Variants in SNX29 observed in about 807,000 individuals in gnomAD.
SNX29 encodes the protein sorting nexin-29.
In SNX29, 78 loss-of-function variants were observed where a neutral mutation model predicts 102.1. The ratio of observed to expected loss-of-function variants is 0.76; its 90% CI spans 0.64 to 0.92. SNX29 has a LOEUF of 0.92. SNX29 is among the 40% of genes least tolerant of loss of function. The probability of loss-of-function intolerance (pLI) is 0.00; values close to 1 mark genes in which losing one functional copy is unlikely to be tolerated. For synonymous variants in SNX29, 580 were observed against 414.5 expected, an observed-to-expected ratio of 1.40 and a Z score of -4.85; for missense variants, 1,280 against 1,061.7, an observed-to-expected ratio of 1.21 and a Z score of -2.86.
chr16:12,385,008 T>C lies in SNX29; in HGVS notation c.1900-13438T>C, dbSNP rs573207721. 5.3e-5 allele frequency among the ~76,000 whole-genome samples: 8 copies of C among 152,220 alleles called. No individual in the cohort carries two copies. In the South Asian group the frequency reaches 1.7e-3, roughly 32 times the overall value. On this transcript the variant is annotated intron_variant, in intron 16 of 20. Transcript: ENST00000566228. The stretch of plus-strand genomic sequence containing the variant: ...CAACATGGTGAAACCCCATCTCCAC[T>C]AAAAATACAAAAGTAGCTGGGCATG...
chr16:12,365,273 C>T (rs2432632), intron 16 of SNX29, among the ~76,000 whole-genome samples: 18 of 151,320 alleles, frequency 1.2e-4, no homozygotes, highest in Non-Finnish European at 1.3e-4. Flanking sequence ...TCTTCATCTG[C>T]GAAGTGAATC....
chr16:12,264,316 T>C (rs759721748), intron 14 of SNX29, among the ~76,000 whole-genome samples: 33 of 152,248 alleles, frequency 2.2e-4, no homozygotes, highest in Non-Finnish European at 4.6e-4. Flanking sequence ...GCATGGGCTT[T>C]TGAAATTCCA....
At chr16:12,183,511 T>C (rs2076441245) in intron 13 of SNX29, among the ~76,000 whole-genome samples, 1 of 152,184 alleles carries the variant, frequency 6.6e-6, no homozygotes, top group Non-Finnish European at 1.5e-5. Flanking sequence ...TGTGTGTATG[T>C]AAATATACTT....
intron 14 of SNX29, among the ~76,000 whole-genome samples, chr16:12,241,149 T>A (rs200614186): frequency 6.6e-6 from 1 of 152,198 alleles, no homozygotes; most frequent in Non-Finnish European, 1.5e-5. Flanking sequence ...AGAAAAATAA[T>A]TAACCGGGAT....
chr16:12,319,508 C>T (rs1293790950), intron 15 of SNX29, among the ~76,000 whole-genome samples: 1 of 152,126 alleles, frequency 6.6e-6, no homozygotes, highest in Admixed American at 6.5e-5. Context: ...ACTCCTATCC[C>T]ACCTCTTCAG....
rs74374502 is a variant in SNX29, at chr16:12,457,700, G to A, written c.2038-20019G>A. Among the ~76,000 whole-genome samples the A allele has an allele frequency of 1.7e-4, 26 of 152,294 alleles. No homozygotes were observed. The East Asian group carries it at 3.9e-3, about 23-fold the overall frequency. On this transcript the variant is annotated intron_variant, in intron 18 of 20. Coordinates refer to ENST00000566228, the MANE Select transcript of SNX29 (RefSeq NM_032167.5). ...ATGGCACACGTTAGCCTCTGCCGTG[G>A]TGCTTTGCAAGCCTGCAAGATGGAA... is the stretch of plus-strand genomic sequence containing the variant.
intron 20 of SNX29, among the ~76,000 whole-genome samples, chr16:12,564,067 G>A (rs1047988408): frequency 2.6e-5 from 4 of 152,166 alleles, no homozygotes; most frequent in South Asian, 2.1e-4. Flanking sequence ...CAACGATGCT[G>A]TATTTTGGGA....
chr16:12,556,902 G>C (rs541259274), intron 20 of SNX29, among the ~76,000 whole-genome samples: 5 of 151,082 alleles, frequency 3.3e-5, no homozygotes, highest in Admixed American at 3.3e-4. Context: ...TCCTCACCTT[G>C]AGTGTAGTGG....
intron 16 of SNX29, among the ~76,000 whole-genome samples, chr16:12,367,859 TA>T (rs2082542535): frequency 6.6e-6 from 1 of 152,210 alleles, no homozygotes; most frequent in Admixed American, 6.5e-5. Flanking sequence ...GAGGGGCTAC[TA>T]AAAATATATC....
chr16:12,475,323 C>T (rs1192685429), intron 18 of SNX29, among the ~76,000 whole-genome samples: 1 of 152,176 alleles, frequency 6.6e-6, no homozygotes, highest in Non-Finnish European at 1.5e-5. Context: ...ACTACCTTCT[C>T]CACACCAGAT....
chr16:12,055,404 T>A (rs2050479686), intron 8 of SNX29, among the ~76,000 whole-genome samples: 1 of 152,070 alleles, frequency 6.6e-6, no homozygotes, highest in African/African-American at 2.4e-5. Flanking sequence ...CTAACTTTTG[T>A]GATTTTAGTA....
intron 4 of SNX29, among the ~76,000 whole-genome samples, chr16:12,038,115 T>G (rs932361592): frequency 7.9e-5 from 12 of 152,218 alleles, no homozygotes; most frequent in Non-Finnish European, 1.5e-4. Context: ...TGGCTAACAT[T>G]TATTCACTGC....
intron 14 of SNX29, among the ~76,000 whole-genome samples, chr16:12,226,265 C>G (rs139887974): frequency 1.6e-3 from 249 of 152,228 alleles, no homozygotes; most frequent in African/African-American, 5.6e-3. Flanking sequence ...AGCAGAGGCC[C>G]AAAAATGAAG....
intron 14 of SNX29, among the ~76,000 whole-genome samples, chr16:12,210,634 C>T (rs1394257543): frequency 1.3e-5 from 2 of 152,106 alleles, no homozygotes; most frequent in Non-Finnish European, 2.9e-5. Context: ...CCTTTCTGGT[C>T]CCCCTGGGCT....
At position 12,569,344 on chromosome 16, in the gene SNX29, G is replaced by C. The variant is rs999065162; in HGVS notation, c.*715G>C. ...GCCCTCCATAGCCTGAGGCCACCTAGGCCCTCGCCAGGCTTGGAGTGGGGG... is the reference window on the plus strand; with the variant it reads ...GCCCTCCATAGCCTGAGGCCACCTACGCCCTCGCCAGGCTTGGAGTGGGGG... On this transcript the variant is annotated 3_prime_UTR_variant, in exon 21 of 21. Transcript: ENST00000566228. 8.7e-6 allele frequency: 2 copies of C among 230,280 alleles called. No individual in the cohort carries two copies. The highest frequency in any genetic ancestry group is 1.7e-5 in the Non-Finnish European group (2 of 116,248). 14.3% of individuals were successfully genotyped at this position (230,280 alleles called of 1,614,324 possible).
chr16:12,338,226 A>G (rs548930522), intron 15 of SNX29, among the ~76,000 whole-genome samples: 1 of 152,106 alleles, frequency 6.6e-6, no homozygotes, highest in Non-Finnish European at 1.5e-5. Flanking sequence ...TTTTCTTTGA[A>G]AAGGAAAATG....
At chr16:12,195,313 C>T (rs2076746506) in intron 13 of SNX29, among the ~76,000 whole-genome samples, 1 of 152,210 alleles carries the variant, frequency 6.6e-6, no homozygotes. Context: ...TTGCAGCCAG[C>T]TTCTTTCTTT....
At chr16:12,412,679 T>C (rs1172144139) in intron 18 of SNX29, among the ~76,000 whole-genome samples, 2 of 152,236 alleles carry the variant, frequency 1.3e-5, no homozygotes, top group Non-Finnish European at 2.9e-5. Flanking sequence ...GCATGTGTTT[T>C]TGTGTGTGTT....
chr16:12,324,006 A>T (rs967012424), intron 15 of SNX29, among the ~76,000 whole-genome samples: 2 of 151,472 alleles, frequency 1.3e-5, no homozygotes, highest in African/African-American at 4.9e-5. Context: ...CCTAGAGAAG[A>T]ATATGACGTA....
Sources: gnomAD v4.1 joint callset for allele counts (sites outside exome capture counted in the v4.1 genomes callset) on GRCh38, gnomAD v4.1.1 for gene constraint, MANE v1.5 for transcripts, NCBI Gene and HGNC (gene_info 2026-07-23, HGNC 2026-07-21) for gene names.